Variants in SLC17A4 observed in about 807,000 individuals in gnomAD.
SLC17A4 encodes the protein probable small intestine urate exporter.
SLC17A4 carries 33 observed loss-of-function variants against 52.5 expected under a neutral mutation model. That is an observed-to-expected ratio of 0.63 (90% CI 0.48 to 0.84). The LOEUF is 0.84. Among genes scored for constraint, SLC17A4 ranks in the 40% least tolerant of loss-of-function variants. The pLI is 0.00. For synonymous variants in SLC17A4, 225 were observed against 216.2 expected, an observed-to-expected ratio of 1.04 and a Z score of -0.36; for missense variants, 585 against 597.1, an observed-to-expected ratio of 0.98 and a Z score of 0.21.
At chr6:25,761,842 C>T (rs976733014) in intron 1 of SLC17A4, 85 bp from the exon 2 acceptor site, 2 of 731,294 alleles carry the variant, frequency 2.7e-6, no homozygotes, top group Non-Finnish European at 4.4e-6. Context: ...TATACAGCAA[C>T]ATTTGCTCCT....
At chr6:25,756,788 T>C (rs932415145) in intron 1 of SLC17A4, among the ~76,000 whole-genome samples, 2 of 152,184 alleles carry the variant, frequency 1.3e-5, no homozygotes, top group South Asian at 4.1e-4. Context: ...ATTCAATAAA[T>C]ATTTACTGAA....
intron 10 of SLC17A4, chr6:25,777,657 A>C (rs985808244): frequency 3.0e-6 from 1 of 330,192 alleles, no homozygotes; most frequent in African/African-American, 2.1e-5. Context: ...TCTTGCATAA[A>C]CAATGTTGAC....
At chr6:25,777,739 A>C (rs988501667) in intron 10 of SLC17A4, 187 bp from the exon 11 acceptor site, 1 of 573,974 alleles carries the variant, frequency 1.7e-6, no homozygotes, top group African/African-American at 1.9e-5. Context: ...TGGTCAGTAC[A>C]TTTCATTCAG....
At position 25,776,579 on chromosome 6, in the gene SLC17A4, A is replaced by G; in HGVS notation, c.988-16A>G. 3 of 1,588,360 alleles carry G rather than the reference A, an allele frequency of 1.9e-6. No homozygotes were observed. The highest frequency in any genetic ancestry group is 1.7e-6 in the Non-Finnish European group (2 of 1,166,732). ...TGGTAAGGGCACATGCACCTGACCT[A>G]GTCTCTGGTCCTCAGAGTGGGATCC... is the stretch of plus-strand genomic sequence containing the variant. On this transcript the variant is annotated splice_polypyrimidine_tract_variant and intron_variant, in intron 8 of 11. Coordinates refer to ENST00000377905, the MANE Select transcript of SLC17A4 (RefSeq NM_005495.3).
At chr6:25,757,207 A>C (rs997742913) in intron 1 of SLC17A4, among the ~76,000 whole-genome samples, 5 of 152,210 alleles carry the variant, frequency 3.3e-5, no homozygotes, top group Admixed American at 3.3e-4. Flanking sequence ...CTTTAGTGGT[A>C]CGTTACATAA....
rs1349825507 is a variant in SLC17A4 at position 25,770,307 on chromosome 6, A to G, written c.531+7A>G. Reference sequence around the variant, plus strand: ...TGTACAAGGCATAGCCCAGGTACCAAGATGTTTTCCAGGTATAAGTGGAAT... The same window carrying G: ...TGTACAAGGCATAGCCCAGGTACCAGGATGTTTTCCAGGTATAAGTGGAAT... On this transcript the variant is annotated splice_region_variant and intron_variant, in intron 4 of 11. Transcript: ENST00000377905. 1.2e-6 allele frequency: 2 copies of G among 1,613,856 alleles called. No homozygotes were observed. Among genetic ancestry groups the G allele is most frequent in the East Asian group, 2.2e-5 (1 of 44,876 alleles).
chr6:25,775,911 A>C (rs1464010589), intron 8 of SLC17A4, among the ~76,000 whole-genome samples: 3 of 152,160 alleles, frequency 2.0e-5, no homozygotes, highest in Non-Finnish European at 4.4e-5. Flanking sequence ...GTACATGAGA[A>C]CCTTGCTGAG....
intron 2 of SLC17A4, among the ~76,000 whole-genome samples, chr6:25,765,392 G>A (rs1312964939): frequency 1.3e-5 from 2 of 152,230 alleles, no homozygotes; most frequent in African/African-American, 2.4e-5. Flanking sequence ...CTCAGGCACA[G>A]AGGGATGAAG....
At chr6:25,756,245 C>CGCCATGTTG (rs1358984834) in intron 1 of SLC17A4, among the ~76,000 whole-genome samples, 1 of 152,104 alleles carries the variant, frequency 6.6e-6, no homozygotes, top group African/African-American at 2.4e-5. Flanking sequence ...CACTCTGCAT[C>CGCCATGTTG]GCCATGTTGG....
Position 25,769,169 on chromosome 6 carries a change from T to A in SLC17A4, c.276T>A (p.Thr92=), listed in dbSNP as rs770791596. Reference sequence around the variant, plus strand: ...ACTCCCAGGGCTACTGGAATGAAACTCTAAAAGAATTTAAAGCAATGGTAA... The same window carrying A: ...ACTCCCAGGGCTACTGGAATGAAACACTAAAAGAATTTAAAGCAATGGTAA... ...STDSQGYWNE[T]LKEFKAMAPA... is the part of the protein sequence containing the mutation. The change falls in exon 3 of 12, where the codon ACT becomes ACA. Residue 92 remains threonine, a synonymous_variant. Transcript: ENST00000377905. The A allele has an allele frequency of 1.2e-6, 2 of 1,613,888 alleles. No homozygotes were observed. Among genetic ancestry groups the A allele is most frequent in the Admixed American group, 3.3e-5 (2 of 59,984 alleles).
At chr6:25,766,142 T>C (rs1761994422) in intron 2 of SLC17A4, among the ~76,000 whole-genome samples, 1 of 150,032 alleles carries the variant, frequency 6.7e-6, no homozygotes, top group Admixed American at 6.7e-5. Flanking sequence ...AATTGAATTA[T>C]AATTTTATAG....
At position 25,757,634 on chromosome 6, in the gene SLC17A4, A is replaced by C. The variant is rs138590368; in HGVS notation, c.-37+2853A>C. 5.3e-5 allele frequency among the ~76,000 whole-genome samples: 8 copies of C among 151,448 alleles called. No individual in the cohort carries two copies. In the South Asian group the frequency reaches 1.7e-3, roughly 32 times the overall value. ...TTCTTGATCCCTTTCTCTGTCAGCAACTCCTCTCACCCCTCTTGCTAGCTG... is the reference window on the plus strand; with the variant it reads ...TTCTTGATCCCTTTCTCTGTCAGCACCTCCTCTCACCCCTCTTGCTAGCTG... On this transcript the variant is annotated intron_variant, in intron 1 of 11. Coordinates refer to ENST00000377905, the MANE Select transcript of SLC17A4 (RefSeq NM_005495.3).
intron 8 of SLC17A4, among the ~76,000 whole-genome samples, chr6:25,775,465 T>C (rs765601599): frequency 1.3e-5 from 2 of 152,170 alleles, no homozygotes; most frequent in Non-Finnish European, 2.9e-5. Context: ...AGACAACGTC[T>C]CACTGTGTTG....
intron 10 of SLC17A4, chr6:25,777,723 A>G (rs980142684): frequency 9.4e-6 from 5 of 534,020 alleles, no homozygotes; most frequent in African/African-American, 1.9e-5. Flanking sequence ...GGATTATACT[A>G]ATCATTGGTC....
In SLC17A4 at chr6:25,770,486, A is replaced by C; in HGVS notation, c.619+15A>C. The C allele has an allele frequency of 6.2e-7, 1 of 1,612,120 alleles. No individual in the cohort carries two copies. Among genetic ancestry groups the C allele is most frequent in the Non-Finnish European group, 8.5e-7 (1 of 1,178,240 alleles). ...TGCTGGATCAGGTAACTGGTACCCT[A>C]AACCTCACTTTACATGCACTGTCCA... On this transcript the variant is annotated intron_variant, in intron 5 of 11. Transcript: ENST00000377905.
rs1221859810 is a variant in SLC17A4, at chr6:25,773,600, T to C, written c.913T>C (p.Tyr305His). The C allele has an allele frequency of 1.9e-6, 3 of 1,613,986 alleles. No individual in the cohort carries two copies. Among genetic ancestry groups the C allele is most frequent in the Non-Finnish European group, 2.5e-6 (3 of 1,179,904 alleles). ...WAILVSYFCE[Y>H]WLFYTIMAYT... ...CATTTTAGTCTCTTATTTCTGTGAATACTGGCTTTTTTATACCATTATGGC... is the reference window on the plus strand; with the variant it reads ...CATTTTAGTCTCTTATTTCTGTGAACACTGGCTTTTTTATACCATTATGGC... Residue 305 changes from tyrosine to histidine, a missense_variant, in exon 8 of 12, where the codon TAC becomes CAC. Tyr to His is a moderately conservative substitution (Grantham distance 83). Transcript: ENST00000377905.
At chr6:25,766,733 A>T (rs1762054299) in intron 2 of SLC17A4, among the ~76,000 whole-genome samples, 3 of 152,214 alleles carry the variant, frequency 2.0e-5, no homozygotes, top group Admixed American at 1.3e-4. Flanking sequence ...CAATTAAGGG[A>T]TGCCCCACAA....
intron 10 of SLC17A4, chr6:25,777,609 A>C (rs1025792015): frequency 1.4e-5 from 3 of 215,982 alleles, no homozygotes; most frequent in Non-Finnish European, 2.7e-5. Flanking sequence ...ACAACAACAA[A>C]AACCTTACAA....
chr6:25,765,127 G>A (rs1582675096), intron 2 of SLC17A4, among the ~76,000 whole-genome samples: 1 of 152,140 alleles, frequency 6.6e-6, no homozygotes, highest in East Asian at 1.9e-4. Flanking sequence ...AAGGCTGTAG[G>A]GGTGGACTAC....
Sources: gnomAD v4.1 joint callset for allele counts (sites outside exome capture counted in the v4.1 genomes callset) on GRCh38, gnomAD v4.1.1 for gene constraint, MANE v1.5 for transcripts, NCBI Gene and HGNC (gene_info 2026-07-23, HGNC 2026-07-21) for gene names.